MROH2B: variants seen among roughly 807,000 people sequenced by gnomAD.
The protein encoded by MROH2B is maestro heat-like repeat-containing protein family member 2B.
A neutral mutation model predicts 208.6 loss-of-function variants in MROH2B; 177 were observed. The observed-to-expected ratio is 0.85, with a 90% CI of 0.75 to 0.96. The LOEUF (loss-of-function observed/expected upper bound fraction) is 0.96, where lower values mean the gene tolerates loss of function less well. MROH2B is among the 40% of genes least tolerant of loss of function. The pLI, the probability that MROH2B is intolerant of heterozygous loss-of-function variation, is 0.00. For missense variants in MROH2B, 2,002 were observed against 1,878.7 expected, an observed-to-expected ratio of 1.07 and a Z score of -1.21; for synonymous variants, 728 against 659.0, an observed-to-expected ratio of 1.10 and a Z score of -1.60.
chr5:41,056,931 C>T (rs1201668298), intron 9 of MROH2B, 178 bp downstream of exon 9: 2 of 668,062 alleles, frequency 3.0e-6, no homozygotes, highest in East Asian at 5.5e-5. Context: ...TCCCGTCCTG[C>T]TCCTCCTGGG....
At chr5:41,040,475 C>T (rs1182044781) in intron 19 of MROH2B, among the ~76,000 whole-genome samples, 2 of 152,092 alleles carry the variant, frequency 1.3e-5, no homozygotes, top group Non-Finnish European at 2.9e-5. Flanking sequence ...AGAACTCTGG[C>T]CTCACATGAT....
intron 33 of MROH2B, among the ~76,000 whole-genome samples, chr5:41,008,006 A>G (rs1579904627): frequency 6.6e-6 from 1 of 152,356 alleles, no homozygotes; most frequent in Middle Eastern, 3.4e-3. Flanking sequence ...TGTCTTTAAA[A>G]ATGTTGCACT....
At chr5:41,039,636 C>A in intron 19 of MROH2B, 81 bp from the exon 20 acceptor site, 1 of 957,690 alleles carries the variant, frequency 1.0e-6, no homozygotes, top group Non-Finnish European at 1.6e-6. Context: ...TATTATGTGC[C>A]AGGTATCCTT....
Position 41,038,882 on chromosome 5 carries a change from A to G in MROH2B, c.2068T>C (p.Phe690Leu). The G allele has an allele frequency of 1.2e-6, 2 of 1,605,346 alleles. No homozygotes were observed. The highest frequency in any genetic ancestry group is 1.7e-6 in the Non-Finnish European group (2 of 1,176,998). The change falls in exon 21 of 42, where the codon TTT (phenylalanine) becomes CTT (leucine). Residue 690 changes from phenylalanine to leucine, a missense_variant. Transcript: ENST00000399564. Reference sequence around the variant, plus strand: ...TTGGTCAGGCTCTTTTTCCCAGAAAAAAGGCTCTGAAGACCAGGAAAGGGA... The same window carrying G: ...TTGGTCAGGCTCTTTTTCCCAGAAAGAAGGCTCTGAAGACCAGGAAAGGGA... Reference protein sequence around the residue: ...KFFMNRCKSLFSGKKSLTKTD... With the variant: ...KFFMNRCKSLLSGKKSLTKTD...
intron 2 of MROH2B, among the ~76,000 whole-genome samples, chr5:41,068,086 G>A (rs1743866411): frequency 6.6e-6 from 1 of 152,138 alleles, no homozygotes; most frequent in Non-Finnish European, 1.5e-5. Context: ...AATCTTTTAG[G>A]TGGCTATGTG....
At chr5:41,066,238 G>T (rs1743808627) in intron 3 of MROH2B, among the ~76,000 whole-genome samples, 1 of 152,170 alleles carries the variant, frequency 6.6e-6, no homozygotes, top group Admixed American at 6.5e-5. Flanking sequence ...TCTGATTTTG[G>T]TGATGGCGAA....
chr5:41,018,745 C>T lies in MROH2B; in HGVS notation c.2619G>A (p.Leu873=). ...TCACATTATCCCACATCATGGTCTT[C>T]AGAAGTTTTCCTAGGGCGTCCATGG... ...ERSMDALGKL[L]KTMMWDNVNA... is the part of the protein sequence containing the mutation. Residue 873 remains leucine, a synonymous_variant, in exon 26 of 42, where the codon CTG becomes CTA. Transcript: ENST00000399564. The T allele has an allele frequency of 1.2e-6, 2 of 1,613,788 alleles. No homozygotes were observed. The highest frequency in any genetic ancestry group is 1.7e-6 in the Non-Finnish European group (2 of 1,179,820).
intron 6 of MROH2B, among the ~76,000 whole-genome samples, chr5:41,059,992 T>C (rs1322151538): frequency 6.6e-6 from 1 of 152,202 alleles, no homozygotes; most frequent in African/African-American, 2.4e-5. Context: ...GTACCATAGG[T>C]GTTCAAATCA....
At chr5:41,009,499 T>A in intron 31 of MROH2B, 93 bp from the exon 32 acceptor site, 1 of 1,466,016 alleles carries the variant, frequency 6.8e-7, no homozygotes, top group Non-Finnish European at 9.2e-7. Context: ...ACATTATGAC[T>A]AATGACAATT....
At chr5:41,008,089 CA>C (rs1393919995) in intron 33 of MROH2B, among the ~76,000 whole-genome samples, 1 of 152,114 alleles carries the variant, frequency 6.6e-6, no homozygotes, top group Non-Finnish European at 1.5e-5. Context: ...AATGAAAATT[CA>C]TACTTCATAA....
At chr5:41,067,360 C>T in intron 2 of MROH2B, 142 bp from the exon 3 acceptor site, 2 of 568,612 alleles carry the variant, frequency 3.5e-6, no homozygotes, top group South Asian at 2.1e-5. Context: ...TTAATTGAGG[C>T]TTTCTTTTTT....
intron 41 of MROH2B, 36 bp downstream of exon 41, chr5:40,998,576 A>G (rs757660862): frequency 2.6e-6 from 4 of 1,523,138 alleles, no homozygotes; most frequent in Non-Finnish European, 3.6e-6. Context: ...CTAAGAATGT[A>G]ACAATATGCT....
rs200339573 is a variant in MROH2B, at chr5:41,055,723, C to T, written c.1033+19G>A. On this transcript the variant is annotated intron_variant, in intron 10 of 41. Transcript: ENST00000399564. The stretch of plus-strand genomic sequence containing the variant: ...CTTGGCATGAAATAAACCATGTTGG[C>T]TTCAACCCTCTTGCTTACCATCAGC... 1.7e-5 allele frequency: 27 copies of T among 1,590,726 alleles called. No homozygotes were observed. Among genetic ancestry groups the T allele is most frequent in the Non-Finnish European group, 2.3e-5 (27 of 1,159,074 alleles).
At chr5:41,055,674 G>A in intron 10 of MROH2B, 68 bp downstream of exon 10, 8 of 1,118,602 alleles carry the variant, frequency 7.2e-6, no homozygotes, top group Admixed American at 1.7e-5. Flanking sequence ...TAGGATTAGA[G>A]AGTGCATAGG....
intron 19 of MROH2B, 147 bp from the exon 20 acceptor site, chr5:41,039,702 G>A (rs1457335523): frequency 1.1e-5 from 6 of 564,454 alleles, no homozygotes; most frequent in Middle Eastern, 4.8e-4. Context: ...ATCTTTGTAA[G>A]GTATACAACC....
chr5:41,058,091 T>A lies in MROH2B; in HGVS notation c.728A>T (p.Asp243Val), dbSNP rs754227180. The change falls in exon 7 of 42, where the codon GAC becomes GTC. Residue 243 changes from aspartate to valine, a missense_variant. Coordinates refer to ENST00000399564, the MANE Select transcript of MROH2B (RefSeq NM_173489.5). ...AGTGACATGGAAATCAATCTCTTTG[T>A]CTTTATACTGGTTCAGGAGCCAGGG... ...QVPWLLNQYK[D>V]KEIDFHVTQS... The A allele has an allele frequency of 1.2e-6, 2 of 1,602,248 alleles. No individual in the cohort carries two copies. Among genetic ancestry groups the A allele is most frequent in the Non-Finnish European group, 1.7e-6 (2 of 1,174,478 alleles).
intron 37 of MROH2B, among the ~76,000 whole-genome samples, chr5:41,003,729 C>T (rs1042054459): frequency 1.3e-5 from 2 of 152,186 alleles, no homozygotes; most frequent in Non-Finnish European, 2.9e-5. Flanking sequence ...AGTTTTCCAT[C>T]TCCTCTGACA....
intron 35 of MROH2B, 167 bp downstream of exon 35, chr5:41,005,364 C>G (rs898525158): frequency 1.0e-5 from 6 of 582,700 alleles, no homozygotes; most frequent in South Asian, 7.2e-5. Flanking sequence ...TCTCTCACCC[C>G]CTGCTTAGGT....
chr5:41,055,130 C>T (rs183720901), intron 10 of MROH2B, among the ~76,000 whole-genome samples: 9 of 152,236 alleles, frequency 5.9e-5, no homozygotes, highest in Non-Finnish European at 1.2e-4. Context: ...TGTGAGACTG[C>T]TTCATATTCA....
Sources: allele counts gnomAD v4.1 joint callset (sites outside exome capture counted in the v4.1 genomes callset), GRCh38; gene constraint gnomAD v4.1.1; transcripts MANE v1.5; gene names NCBI Gene and HGNC (gene_info 2026-07-23, HGNC 2026-07-21).